The following LRRC4C variants were observed in gnomAD, a reference collection of about 807,000 sequenced individuals.
LRRC4C encodes the protein leucine rich repeat containing 4C, also known as leucine-rich repeat-containing protein 4C.
Under a neutral mutation model 33.6 loss-of-function variants are expected in LRRC4C, and 5 were observed. That is an observed-to-expected ratio of 0.15 (90% confidence interval 0.08 to 0.31). LRRC4C has a LOEUF of 0.31. Ranked by LOEUF, LRRC4C falls within the 10% of genes least tolerant of loss-of-function variation. LRRC4C has a pLI of 1.00. For synonymous variants in LRRC4C, 329 were observed against 302.0 expected, an observed-to-expected ratio of 1.09 and a Z score of -0.93; for missense variants, 560 against 796.7, an observed-to-expected ratio of 0.70 and a Z score of 3.58.
At chr11:40,416,488 A>G (rs917261520) in intron 3 of LRRC4C, among the ~76,000 whole-genome samples, 11 of 152,182 alleles carry the variant, frequency 7.2e-5, no homozygotes, top group Admixed American at 7.2e-4. Context: ...GAAGTTAGTA[A>G]GCAGATACTG....
chr11:40,788,947 G>A (rs375357237), intron 2 of LRRC4C, among the ~76,000 whole-genome samples: 1 of 151,994 alleles, frequency 6.6e-6, no homozygotes, highest in Non-Finnish European at 1.5e-5. Flanking sequence ...AAAAAAATTA[G>A]CTGGGCATGG....
At chr11:40,367,157 G>A (rs1054929613) in intron 3 of LRRC4C, among the ~76,000 whole-genome samples, 1 of 151,970 alleles carries the variant, frequency 6.6e-6, no homozygotes, top group African/African-American at 2.4e-5. Context: ...CATTTCCAGT[G>A]CTTAGCACAC....
At chr11:41,455,499 C>A (rs1956147810) in intron 1 of LRRC4C, among the ~76,000 whole-genome samples, 1 of 151,994 alleles carries the variant, frequency 6.6e-6, no homozygotes, top group African/African-American at 2.4e-5. Context: ...TAAGAATGTA[C>A]CACAAAAATT....
chr11:41,005,649 C>T (rs1202479947), intron 1 of LRRC4C, among the ~76,000 whole-genome samples: 2 of 152,050 alleles, frequency 1.3e-5, no homozygotes, highest in Non-Finnish European at 2.9e-5. Flanking sequence ...GCGCCTCTCA[C>T]TCTCTGTCTT....
At chr11:40,517,238 T>C (rs983683505) in intron 3 of LRRC4C, among the ~76,000 whole-genome samples, 2 of 152,188 alleles carry the variant, frequency 1.3e-5, no homozygotes, top group African/African-American at 2.4e-5. Flanking sequence ...AACATAATAC[T>C]ATAATTCCCA....
At chr11:41,449,586 G>A (rs913805836) in intron 1 of LRRC4C, among the ~76,000 whole-genome samples, 3 of 151,998 alleles carry the variant, frequency 2.0e-5, no homozygotes, top group African/African-American at 7.2e-5. Flanking sequence ...CCAGACAGGA[G>A]AGCAAATTAG....
At position 40,859,136 on chromosome 11, in the gene LRRC4C, C is replaced by T. The variant is rs11036104; in HGVS notation, c.-407+74499G>A. ...ACAAGAAACAACATCAGTGGGGAAT[C>T]ATTTATTAACTCATGGTGTATCAGT... On this transcript the variant is annotated intron_variant, in intron 2 of 6. Transcript: ENST00000528697. Among the ~76,000 whole-genome samples the T allele has an allele frequency of 7.8e-3, 1,192 of 152,260 alleles. 7 individuals carry two copies. The highest frequency in any genetic ancestry group is 0.013 in the Non-Finnish European group (868 of 68,018).
At chr11:40,797,360 G>A (rs992204513) in intron 2 of LRRC4C, among the ~76,000 whole-genome samples, 1 of 152,062 alleles carries the variant, frequency 6.6e-6, no homozygotes, top group African/African-American at 2.4e-5. Context: ...GAGATCCTAT[G>A]GCAAATTAAG....
chr11:41,104,874 G>A (rs1026933725), intron 1 of LRRC4C, among the ~76,000 whole-genome samples: 7 of 151,876 alleles, frequency 4.6e-5, no homozygotes, highest in Admixed American at 3.9e-4. Flanking sequence ...TACACAAAAT[G>A]TCCAGAAATG....
intron 1 of LRRC4C, among the ~76,000 whole-genome samples, chr11:41,024,029 G>A (rs952561721): frequency 1.3e-5 from 2 of 151,306 alleles, no homozygotes; most frequent in Admixed American, 6.6e-5. Context: ...TTCTAGTTGC[G>A]TTCAGATCAA....
At chr11:40,556,550 A>C (rs1396267599) in intron 3 of LRRC4C, among the ~76,000 whole-genome samples, 2 of 152,190 alleles carry the variant, frequency 1.3e-5, no homozygotes, top group East Asian at 1.9e-4. Flanking sequence ...TAGGCTCTGC[A>C]GTCCAACTGA....
intron 3 of LRRC4C, among the ~76,000 whole-genome samples, chr11:40,457,431 T>G (rs2138148929): frequency 6.6e-6 from 1 of 152,282 alleles, no homozygotes; most frequent in Non-Finnish European, 1.5e-5. Context: ...CTACTAAATT[T>G]AGAGTCTCCT....
rs1944557837 is a variant in LRRC4C, at chr11:41,163,284, G to GTTTTTTTTTGTTT, written c.-495-229562_-495-229561insAAACAAAAAAAAA. Reference sequence around the variant, plus strand: ...GTAATAAACTTAGTTTACTGTAACTGTTTTTTTTTTTTTTTTTCAAACAGG... The same window carrying GTTTTTTTTTGTTT: ...GTAATAAACTTAGTTTACTGTAACTGTTTTTTTTTGTTTTTTTTTTTTTTTTTTTTCAAACAGG... On this transcript the variant is annotated intron_variant, in intron 1 of 6. Coordinates refer to ENST00000528697, the MANE Select transcript of LRRC4C (RefSeq NM_001258419.2). Among the ~76,000 whole-genome samples the GTTTTTTTTTGTTT allele has an allele frequency of 2.7e-5, 2 of 73,382 alleles. 1 individual carries two copies. The highest frequency in any genetic ancestry group is 1.0e-4 in the African/African-American group (2 of 19,856). 48.1% of individuals were successfully genotyped at this position (73,382 alleles called of 152,430 possible).
chr11:40,492,430 G>C (rs1230059419), intron 3 of LRRC4C, among the ~76,000 whole-genome samples: 1 of 152,002 alleles, frequency 6.6e-6, no homozygotes, highest in Non-Finnish European at 1.5e-5. Context: ...AATAGTTTTG[G>C]AGTAATGTTT....
intron 3 of LRRC4C, among the ~76,000 whole-genome samples, chr11:40,640,516 T>A (rs1258067731): frequency 3.3e-5 from 5 of 152,010 alleles, no homozygotes; most frequent in African/African-American, 1.2e-4. Context: ...TCTATATATT[T>A]TTTTTTAAAA....
intron 2 of LRRC4C, among the ~76,000 whole-genome samples, chr11:40,673,992 C>G (rs931646497): frequency 6.6e-6 from 1 of 152,162 alleles, no homozygotes; most frequent in Admixed American, 6.5e-5. Flanking sequence ...CAGCAGTTAC[C>G]TCAATGCTCA....
chr11:40,401,327 G>A (rs984706733), intron 3 of LRRC4C, among the ~76,000 whole-genome samples: 2 of 151,742 alleles, frequency 1.3e-5, no homozygotes, highest in African/African-American at 4.8e-5. Flanking sequence ...AACACAGTAC[G>A]GACAGGGCAT....
At chr11:40,631,902 T>C (rs1302577168) in intron 3 of LRRC4C, among the ~76,000 whole-genome samples, 1 of 152,218 alleles carries the variant, frequency 6.6e-6, no homozygotes, top group Non-Finnish European at 1.5e-5. Flanking sequence ...ATAATTATTA[T>C]AATTCATAAC....
chr11:41,208,987 G>A (rs767670001), intron 1 of LRRC4C, among the ~76,000 whole-genome samples: 1 of 151,834 alleles, frequency 6.6e-6, no homozygotes, highest in Non-Finnish European at 1.5e-5. Flanking sequence ...GCCAGCCAGA[G>A]AGGATTATTC....
Sources: gnomAD v4.1 joint callset for allele counts (sites outside exome capture counted in the v4.1 genomes callset) on GRCh38, gnomAD v4.1.1 for gene constraint, MANE v1.5 for transcripts, NCBI Gene and HGNC (gene_info 2026-07-23, HGNC 2026-07-21) for gene names.